The following ANK3 variants were observed in gnomAD, a reference collection of about 807,000 sequenced individuals.
ANK3 encodes the protein ankyrin 3.
ANK3 carries 57 observed loss-of-function variants against 370.9 expected under a neutral mutation model. That is an observed-to-expected ratio of 0.15 (90% CI 0.12 to 0.19). The LOEUF (loss-of-function observed/expected upper bound fraction) is 0.19. Ranked by LOEUF, ANK3 falls within the 10% of genes least tolerant of loss-of-function variation. The pLI is 1.00. For missense variants in ANK3, 4,439 were observed against 5,302.1 expected (o/e 0.84, Z 5.06); for synonymous variants, 1,929 against 1,946.3 (o/e 0.99, Z 0.23).
Position 60,501,919 on chromosome 10 carries a change from G to T in ANK3, c.96+113267C>A, listed in dbSNP as rs556014740. On this transcript the variant is annotated intron_variant, in intron 2 of 43. Coordinates refer to the ANK3 transcript ENST00000373827. Reference sequence around the variant, plus strand: ...GAGCATCGCTTCAGCCCGGGAGTTTGAGGTTGCAGTGAGCTATGATTGCAC... The same window carrying T: ...GAGCATCGCTTCAGCCCGGGAGTTTTAGGTTGCAGTGAGCTATGATTGCAC... Among the ~76,000 whole-genome samples the T allele has an allele frequency of 3.0e-4, 45 of 152,282 alleles. 1 individual carries two copies. In the South Asian group the frequency reaches 8.9e-3, roughly 30 times the overall value.
At chr10:60,099,021 G>A (rs2090686584) in intron 28 of ANK3, among the ~76,000 whole-genome samples, 1 of 152,094 alleles carries the variant, frequency 6.6e-6, no homozygotes, top group Admixed American at 6.6e-5. Context: ...ATGTGCTTAT[G>A]AGATATTACT....
chr10:60,549,357 G>A (rs983870416), intron 2 of ANK3, among the ~76,000 whole-genome samples: 37 of 152,076 alleles, frequency 2.4e-4, no homozygotes, highest in African/African-American at 7.5e-4. Flanking sequence ...GATAAATGTT[G>A]TATAATGTTC....
At chr10:60,376,164 C>CT (rs1385990022) in intron 1 of ANK3, among the ~76,000 whole-genome samples, 2 of 152,170 alleles carry the variant, frequency 1.3e-5, no homozygotes, top group Admixed American at 6.5e-5. Context: ...GGCCCTTTCC[C>CT]TTATTCCACA....
At position 60,600,129 on chromosome 10, in the gene ANK3, A is replaced by G. The variant is rs185287202; in HGVS notation, c.96+15057T>C. 2.3e-3 allele frequency among the ~76,000 whole-genome samples: 347 copies of G among 152,288 alleles called. 1 individual carries two copies. Among genetic ancestry groups the G allele is most frequent in the African/African-American group, 7.8e-3 (324 of 41,566 alleles). The stretch of plus-strand genomic sequence containing the variant: ...GGTAGCAAACAATATTTGACTCAAA[A>G]GCTCCTACTTTTAACTGGATTTTAG... On this transcript the variant is annotated intron_variant, in intron 2 of 43. Coordinates refer to the ANK3 transcript ENST00000373827.
chr10:60,119,901 A>G (rs983555726), intron 25 of ANK3, among the ~76,000 whole-genome samples: 2 of 152,230 alleles, frequency 1.3e-5, no homozygotes, highest in African/African-American at 2.4e-5. Context: ...CAAAGTAATC[A>G]AAGGATTCAA....
chr10:60,639,616 A>G (rs2078602137), intron 1 of ANK3, among the ~76,000 whole-genome samples: 1 of 151,908 alleles, frequency 6.6e-6, no homozygotes, highest in Non-Finnish European at 1.5e-5. Context: ...AGATTCTTAC[A>G]TGGGTGGTAT....
intron 2 of ANK3, among the ~76,000 whole-genome samples, chr10:60,564,448 G>A (rs1317360617): frequency 2.0e-5 from 3 of 152,142 alleles, no homozygotes; most frequent in Non-Finnish European, 4.4e-5. Flanking sequence ...GTCCAAACAC[G>A]AGAATGAAAA....
At chr10:60,484,705 G>C (rs1010330653) in intron 2 of ANK3, among the ~76,000 whole-genome samples, 4 of 152,142 alleles carry the variant, frequency 2.6e-5, no homozygotes, top group Admixed American at 2.6e-4. Context: ...TATTGCACAG[G>C]CGAAAACAAA....
chr10:60,618,829 G>C (rs1243306916), intron 1 of ANK3, among the ~76,000 whole-genome samples: 1 of 152,058 alleles, frequency 6.6e-6, no homozygotes, highest in Non-Finnish European at 1.5e-5. Context: ...CCACATTATG[G>C]AAGGGCAAGT....
chr10:60,350,849 C>T (rs1193292875), intron 1 of ANK3, among the ~76,000 whole-genome samples: 2 of 152,118 alleles, frequency 1.3e-5, no homozygotes, highest in Non-Finnish European at 2.9e-5. Flanking sequence ...CTGCTGCTGC[C>T]CACCATAGAG....
intron 2 of ANK3, among the ~76,000 whole-genome samples, chr10:60,458,604 C>T (rs1158433940): frequency 6.6e-6 from 1 of 152,074 alleles, no homozygotes; most frequent in Non-Finnish European, 1.5e-5. Context: ...GAGATGAAAA[C>T]AGAGGTTACT....
intron 2 of ANK3, among the ~76,000 whole-genome samples, chr10:60,466,077 C>T (rs781718632): frequency 1.3e-5 from 2 of 152,070 alleles, no homozygotes; most frequent in Admixed American, 6.6e-5. Context: ...TCACTCTCTT[C>T]GTTTCTCTTG....
intron 2 of ANK3, among the ~76,000 whole-genome samples, chr10:60,452,851 C>A (rs1010236208): frequency 4.6e-5 from 7 of 152,124 alleles, no homozygotes; most frequent in Admixed American, 6.5e-5. Flanking sequence ...TCCACATAAA[C>A]TGAATTCAAG....
chr10:60,353,527 C>G (rs2057268717), intron 1 of ANK3, among the ~76,000 whole-genome samples: 1 of 152,124 alleles, frequency 6.6e-6, no homozygotes, highest in African/African-American at 2.4e-5. Flanking sequence ...ATTAATTTTG[C>G]TCATTAACAG....
At chr10:60,333,121 T>C (rs1366839451) in intron 1 of ANK3, among the ~76,000 whole-genome samples, 2 of 152,170 alleles carry the variant, frequency 1.3e-5, no homozygotes, top group African/African-American at 4.8e-5. Context: ...ATCTAAAGTC[T>C]CCAAATTTCC....
At chr10:60,677,225 C>T (rs2079136759) in intron 1 of ANK3, among the ~76,000 whole-genome samples, 1 of 152,120 alleles carries the variant, frequency 6.6e-6, no homozygotes, top group Non-Finnish European at 1.5e-5. Flanking sequence ...AACATTCTAA[C>T]TATCTTGTTC....
chr10:60,483,642 A>T (rs753204045), intron 2 of ANK3, among the ~76,000 whole-genome samples: 1 of 152,172 alleles, frequency 6.6e-6, no homozygotes, highest in Non-Finnish European at 1.5e-5. Flanking sequence ...TTTTAAAATG[A>T]CACAGAGCAT....
intron 2 of ANK3, among the ~76,000 whole-genome samples, chr10:60,583,039 T>C (rs1001404301): frequency 6.6e-6 from 1 of 152,218 alleles, no homozygotes; most frequent in African/African-American, 2.4e-5. Context: ...AAAATCAATA[T>C]GTTGAAGAGA....
chr10:60,307,223 T>C (rs1227058652), intron 1 of ANK3, among the ~76,000 whole-genome samples: 5 of 152,112 alleles, frequency 3.3e-5, no homozygotes, highest in Non-Finnish European at 7.3e-5. Flanking sequence ...TCAGAGACTG[T>C]TTGGCCAACA....
Sources: gnomAD v4.1 joint callset for allele counts (sites outside exome capture counted in the v4.1 genomes callset) on GRCh38, gnomAD v4.1.1 for gene constraint, MANE v1.5 for transcripts, NCBI Gene and HGNC (gene_info 2026-07-23, HGNC 2026-07-21) for gene names.